The following GABRG1 variants were observed in gnomAD, a reference collection of about 807,000 sequenced individuals.
GABRG1 encodes gamma-aminobutyric acid type A receptor subunit gamma1.
A neutral mutation model predicts 49.8 loss-of-function variants in GABRG1; 49 were observed. The ratio of observed to expected loss-of-function variants is 0.98; its 90% CI spans 0.78 to 1.25. The LOEUF is 1.25. GABRG1 is among the 50% of genes most tolerant of loss of function. GABRG1 has a pLI of 0.00. For synonymous variants in GABRG1, 232 were observed against 185.1 expected, an observed-to-expected ratio of 1.25 and a Z score of -2.06; for missense variants, 552 against 552.3, an observed-to-expected ratio of 1.00 and a Z score of 0.01.
chr4:46,088,834 T>C (rs1256862899), intron 2 of GABRG1, among the ~76,000 whole-genome samples: 1 of 150,938 alleles, frequency 6.6e-6, no homozygotes. Flanking sequence ...TGTGTGTGTG[T>C]GTGTGTGTGT....
chr4:46,070,705 G>T (rs1426304849), intron 3 of GABRG1, among the ~76,000 whole-genome samples: 1 of 152,006 alleles, frequency 6.6e-6, no homozygotes. Context: ...GGGCTGGAAA[G>T]TGCAAAATGT....
rs146314317 is a variant in GABRG1 at position 46,047,655 on chromosome 4, A to G, written c.1131+3769T>C. 4.4e-3 allele frequency among the ~76,000 whole-genome samples: 668 copies of G among 152,022 alleles called. 14 individuals carry two copies. The East Asian group carries it at 0.048, about 11-fold the overall frequency. ...AAAATACATTTTATGTTTTTATAAA[A>G]AATAAAAATATTGTTATTTAAAAAT... On this transcript the variant is annotated intron_variant, in intron 8 of 8. Coordinates refer to ENST00000295452, the MANE Select transcript of GABRG1 (RefSeq NM_173536.4).
intron 1 of GABRG1, among the ~76,000 whole-genome samples, chr4:46,100,352 A>T (rs2109433190): frequency 6.6e-6 from 1 of 151,782 alleles, no homozygotes. Context: ...GGAAAGGATC[A>T]GGAAAAATAA....
intron 5 of GABRG1, among the ~76,000 whole-genome samples, chr4:46,063,554 T>C (rs539657405): frequency 1.1e-3 from 165 of 152,276 alleles, no homozygotes; most frequent in African/African-American, 3.8e-3. Flanking sequence ...GATTAAAGAC[T>C]TAAACCTAAA....
chr4:46,046,603 A>G (rs971614893), intron 8 of GABRG1, among the ~76,000 whole-genome samples: 3 of 152,078 alleles, frequency 2.0e-5, no homozygotes, highest in Non-Finnish European at 4.4e-5. Flanking sequence ...TGTTTATTCA[A>G]TAGGCATGCA....
At chr4:46,047,443 G>T (rs1718049320) in intron 8 of GABRG1, among the ~76,000 whole-genome samples, 1 of 151,940 alleles carries the variant, frequency 6.6e-6, no homozygotes, top group Non-Finnish European at 1.5e-5. Context: ...TTTTATGAAT[G>T]AATTATTTAC....
chr4:46,070,815 C>T (rs1267993773), intron 3 of GABRG1, among the ~76,000 whole-genome samples: 1 of 152,042 alleles, frequency 6.6e-6, no homozygotes, highest in Non-Finnish European at 1.5e-5. Context: ...CTAGAGGAAC[C>T]TCAGTCAATC....
chr4:46,097,420 T>A (rs1720215916), intron 1 of GABRG1, 71 bp from the exon 2 acceptor site: 1 of 1,418,374 alleles, frequency 7.1e-7, no homozygotes, highest in East Asian at 2.4e-5. Context: ...ATAGTTTAAG[T>A]ATGTTACAAT....
intron 8 of GABRG1, among the ~76,000 whole-genome samples, chr4:46,043,936 ATTAC>A (rs1717884539): frequency 6.6e-6 from 1 of 151,972 alleles, no homozygotes; most frequent in African/African-American, 2.4e-5. Context: ...ACATATAGTT[ATTAC>A]TTATACCATC....
At chr4:46,110,102 C>T (rs998943348) in intron 1 of GABRG1, among the ~76,000 whole-genome samples, 3 of 151,018 alleles carry the variant, frequency 2.0e-5, no homozygotes, top group African/African-American at 4.8e-5. Flanking sequence ...CTTGCTAATG[C>T]TTTCAGTGGG....
In GABRG1 at chr4:46,074,452, G is replaced by A. The variant is rs557510451; in HGVS notation, c.322-8868C>T. Among the ~76,000 whole-genome samples, 52 of 152,128 alleles carry A rather than the reference G, an allele frequency of 3.4e-4. No homozygotes were observed. In the South Asian group the frequency reaches 5.0e-3, roughly 15 times the overall value. ...GTGGGGCATTATTTGCACTGCTGTC[G>A]GAAGCACTTGCTGCTTCTGTTTACC... On this transcript the variant is annotated intron_variant, in intron 3 of 8. Coordinates refer to ENST00000295452, the MANE Select transcript of GABRG1 (RefSeq NM_173536.4).
intron 3 of GABRG1, among the ~76,000 whole-genome samples, chr4:46,076,031 TA>T (rs962770043): frequency 2.0e-5 from 3 of 151,942 alleles, no homozygotes; most frequent in Middle Eastern, 3.4e-3. Flanking sequence ...ATGGCTACCC[TA>T]AAAGCCTGAC....
chr4:46,045,473 AC>A (rs1205501973), intron 8 of GABRG1, among the ~76,000 whole-genome samples: 1 of 152,050 alleles, frequency 6.6e-6, no homozygotes, highest in African/African-American at 2.4e-5. Context: ...ACAATTGATA[AC>A]ATTCTCAAAA....
chr4:46,076,393 A>ATATATATG (rs1719333056), intron 3 of GABRG1, among the ~76,000 whole-genome samples: 1 of 140,700 alleles, frequency 7.1e-6, no homozygotes, highest in South Asian at 2.2e-4. Flanking sequence ...ATATATATAT[A>ATATATATG]TATATATATA....
chr4:46,114,565 A>G (rs900621200), intron 1 of GABRG1, among the ~76,000 whole-genome samples: 2 of 150,954 alleles, frequency 1.3e-5, no homozygotes, highest in African/African-American at 4.8e-5. Flanking sequence ...CCTTAGAGCC[A>G]AAGGTATGTA....
intron 3 of GABRG1, among the ~76,000 whole-genome samples, chr4:46,082,568 G>A (rs1719615550): frequency 6.6e-6 from 1 of 151,728 alleles, no homozygotes; most frequent in South Asian, 2.1e-4. Flanking sequence ...ATGCAATCCA[G>A]CTGTTATCCC....
chr4:46,058,260 A>G lies in GABRG1; in HGVS notation c.873T>C (p.Ser291=). 1.2e-6 allele frequency: 2 copies of G among 1,613,360 alleles called. No individual in the cohort carries two copies. The highest frequency in any genetic ancestry group is 2.7e-5 in the African/African-American group (2 of 75,020). ...GCACTGCATCTTTATTGATCCAAAA[A>G]GACACCCAAGAAAGAACAACTGTCA... ...CILTVVLSWV[S]FWINKDAVPA... The change falls in exon 7 of 9, where the codon TCT becomes TCC. Residue 291 remains serine (S), a synonymous_variant. Coordinates refer to ENST00000295452, the MANE Select transcript of GABRG1 (RefSeq NM_173536.4).
In GABRG1 at chr4:46,058,384, A is replaced by G. The variant is rs540110325; in HGVS notation, c.764-15T>C. Reference sequence around the variant, plus strand: ...AACATAATCCCCTGTAAGAAAAAAAAGTTTTATTTTGGCTATATAATATAA... The same window carrying G: ...AACATAATCCCCTGTAAGAAAAAAAGGTTTTATTTTGGCTATATAATATAA... On this transcript the variant is annotated splice_polypyrimidine_tract_variant and intron_variant, in intron 6 of 8. Coordinates refer to ENST00000295452, the MANE Select transcript of GABRG1 (RefSeq NM_173536.4). 3 of 1,599,198 alleles carry G rather than the reference A, an allele frequency of 1.9e-6. No homozygotes were observed. Among genetic ancestry groups the G allele is most frequent in the Admixed American group, 3.5e-5 (2 of 56,514 alleles).
At chr4:46,105,400 G>GT (rs1266474549) in intron 1 of GABRG1, among the ~76,000 whole-genome samples, 2 of 151,396 alleles carry the variant, frequency 1.3e-5, no homozygotes, top group South Asian at 2.1e-4. Context: ...AAACACTACT[G>GT]TTTTTTTGTA....
Sources: gnomAD v4.1 joint callset for allele counts (sites outside exome capture counted in the v4.1 genomes callset) on GRCh38, gnomAD v4.1.1 for gene constraint, MANE v1.5 for transcripts, NCBI Gene and HGNC (gene_info 2026-07-23, HGNC 2026-07-21) for gene names.